Variants in SPIDR observed in about 807,000 individuals in gnomAD.
SPIDR encodes scaffold protein involved in DNA repair.
Under a neutral mutation model 104.6 loss-of-function variants are expected in SPIDR, and 93 were observed. The ratio of observed to expected loss-of-function variants is 0.89; its 90% CI spans 0.75 to 1.06. The LOEUF (loss-of-function observed/expected upper bound fraction) is 1.06. Ranked by LOEUF, SPIDR falls within the 50% of genes least tolerant of loss-of-function variation. The pLI, the probability that SPIDR is intolerant of heterozygous loss-of-function variation, is 0.00. For synonymous variants in SPIDR, 431 were observed against 416.9 expected, an observed-to-expected ratio of 1.03 and a Z score of -0.41; for missense variants, 1,154 against 1,111.2, an observed-to-expected ratio of 1.04 and a Z score of -0.55.
intron 6 of SPIDR, among the ~76,000 whole-genome samples, chr8:47,400,274 G>A (rs1481302766): frequency 1.3e-5 from 2 of 152,200 alleles, no homozygotes; most frequent in African/African-American, 4.8e-5. Context: ...TGGAGGGGAC[G>A]TTCCTAGAAG....
chr8:47,603,381 G>A (rs1162500585), intron 10 of SPIDR, among the ~76,000 whole-genome samples: 1 of 151,808 alleles, frequency 6.6e-6, no homozygotes, highest in Non-Finnish European at 1.5e-5. Context: ...ATTTAACCTA[G>A]GGACCAGTAA....
intron 8 of SPIDR, among the ~76,000 whole-genome samples, chr8:47,480,311 G>T (rs2076758088): frequency 6.6e-6 from 1 of 152,160 alleles, no homozygotes; most frequent in Non-Finnish European, 1.5e-5. Context: ...CAGTGTTCAT[G>T]GAATTGTTTA....
intron 10 of SPIDR, among the ~76,000 whole-genome samples, chr8:47,617,074 A>G (rs2064425711): frequency 6.6e-6 from 1 of 152,036 alleles, no homozygotes; most frequent in Non-Finnish European, 1.5e-5. Context: ...GATTTGGGAG[A>G]AAAAGATTGC....
intron 8 of SPIDR, among the ~76,000 whole-genome samples, chr8:47,525,724 C>T (rs2084875675): frequency 6.6e-6 from 1 of 151,404 alleles, no homozygotes; most frequent in South Asian, 2.1e-4. Flanking sequence ...TCGCTTGAGC[C>T]CAGAAGCCAC....
intron 8 of SPIDR, among the ~76,000 whole-genome samples, chr8:47,482,080 C>T (rs1387167025): frequency 3.9e-5 from 6 of 152,280 alleles, no homozygotes; most frequent in South Asian, 2.1e-4. Flanking sequence ...ACATGTTGAG[C>T]GTGGTCAGTG....
In SPIDR at chr8:47,505,812, C is replaced by T. The variant is rs545470547; in HGVS notation, c.1097+65270C>T. On this transcript the variant is annotated intron_variant, in intron 8 of 19. Coordinates refer to ENST00000297423, the MANE Select transcript of SPIDR (RefSeq NM_001080394.4). ...AACACTAGCAGTGCCACCCGGGCTT[C>T]CCTACTAAGGATATTAGTGTTCACT... 3.3e-5 allele frequency among the ~76,000 whole-genome samples: 5 copies of T among 152,306 alleles called. No homozygotes were observed. In the East Asian group the frequency reaches 9.7e-4, roughly 29 times the overall value.
chr8:47,441,845 G>C (rs1174775782), intron 8 of SPIDR, among the ~76,000 whole-genome samples: 3 of 152,114 alleles, frequency 2.0e-5, no homozygotes, highest in Non-Finnish European at 2.9e-5. Context: ...GGTAGTGAAT[G>C]CAATTTTATT....
intron 8 of SPIDR, among the ~76,000 whole-genome samples, chr8:47,536,354 C>T (rs1419062682): frequency 1.3e-5 from 2 of 151,946 alleles, no homozygotes; most frequent in African/African-American, 2.4e-5. Context: ...TGAAAGAGAA[C>T]AAAGAGAAGT....
chr8:47,440,890 A>G (rs1283841375), intron 8 of SPIDR, among the ~76,000 whole-genome samples: 2 of 152,226 alleles, frequency 1.3e-5, no homozygotes, highest in South Asian at 4.1e-4. Context: ...GATAACACAC[A>G]TTAATTAAAT....
chr8:47,313,701 G>T (rs1338886079), intron 5 of SPIDR, among the ~76,000 whole-genome samples: 1 of 152,166 alleles, frequency 6.6e-6, no homozygotes, highest in East Asian at 1.9e-4. Flanking sequence ...CATGGTACTG[G>T]TACCAAAACA....
intron 8 of SPIDR, among the ~76,000 whole-genome samples, chr8:47,464,980 T>A (rs1564047291): frequency 6.6e-6 from 1 of 152,104 alleles, no homozygotes; most frequent in Non-Finnish European, 1.5e-5. Context: ...GCCAGGCTGG[T>A]CTTGAACTCC....
intron 8 of SPIDR, among the ~76,000 whole-genome samples, chr8:47,468,162 C>G (rs1159384983): frequency 6.6e-6 from 1 of 152,092 alleles, no homozygotes; most frequent in Non-Finnish European, 1.5e-5. Flanking sequence ...GGTGAAAGAT[C>G]TCTACGAGTA....
intron 8 of SPIDR, among the ~76,000 whole-genome samples, chr8:47,548,507 G>A (rs180994296): frequency 3.9e-5 from 6 of 152,326 alleles, no homozygotes; most frequent in African/African-American, 1.4e-4. Context: ...AATTAGCTAG[G>A]TGTGGTGACG....
intron 8 of SPIDR, among the ~76,000 whole-genome samples, chr8:47,495,618 G>C (rs556994667): frequency 6.6e-6 from 1 of 151,936 alleles, no homozygotes; most frequent in South Asian, 2.1e-4. Flanking sequence ...TGCCTGGTCC[G>C]AGGTTTCAAA....
At chr8:47,358,127 A>T (rs1251124325) in intron 5 of SPIDR, among the ~76,000 whole-genome samples, 1 of 152,190 alleles carries the variant, frequency 6.6e-6, no homozygotes, top group African/African-American at 2.4e-5. Flanking sequence ...AGTGGAGTGC[A>T]GTGGCTGTTC....
At chr8:47,281,796 C>T (rs1003199404) in intron 2 of SPIDR, among the ~76,000 whole-genome samples, 1 of 152,200 alleles carries the variant, frequency 6.6e-6, no homozygotes, top group Admixed American at 6.5e-5. Flanking sequence ...CATGAATGTT[C>T]CTAATGGCAC....
At chr8:47,440,896 T>G (rs782213070) in intron 8 of SPIDR, among the ~76,000 whole-genome samples, 5 of 152,214 alleles carry the variant, frequency 3.3e-5, no homozygotes, top group Non-Finnish European at 7.3e-5. Context: ...ACACATTAAT[T>G]AAATATTTCT....
chr8:47,492,129 G>C (rs1479211423), intron 8 of SPIDR, among the ~76,000 whole-genome samples: 1 of 152,090 alleles, frequency 6.6e-6, no homozygotes, highest in African/African-American at 2.4e-5. Context: ...TGTGCTACAT[G>C]TGAAAAAGCT....
At chr8:47,682,567 G>A (rs984489095) in intron 11 of SPIDR, among the ~76,000 whole-genome samples, 10 of 152,154 alleles carry the variant, frequency 6.6e-5, no homozygotes, top group Non-Finnish European at 1.3e-4. Context: ...ATAATTTTAT[G>A]TTATATTAAT....
Sources: gnomAD v4.1 joint callset for allele counts (sites outside exome capture counted in the v4.1 genomes callset) on GRCh38, gnomAD v4.1.1 for gene constraint, MANE v1.5 for transcripts, NCBI Gene and HGNC (gene_info 2026-07-23, HGNC 2026-07-21) for gene names.